Variants in ZC3H11A observed in about 807,000 individuals in gnomAD.
ZC3H11A encodes the protein zinc finger CCCH-type containing 11A.
Under a neutral mutation model 90.8 loss-of-function variants are expected in ZC3H11A, and 22 were observed. That is an observed-to-expected ratio of 0.24 (90% CI 0.17 to 0.35). The LOEUF (loss-of-function observed/expected upper bound fraction) is 0.35. Among genes scored for constraint, ZC3H11A ranks in the 10% least tolerant of loss-of-function variants. The pLI is 1.00. For missense variants in ZC3H11A, 701 were observed against 964.9 expected (o/e 0.73, Z 3.62); for synonymous variants, 294 against 339.8 (o/e 0.87, Z 1.48).
rs750328381 is a variant in ZC3H11A at position 203,831,783 on chromosome 1, ATAGGTCT to A, written c.811+16_811+22del. ...CTCCACCAAACAAGGTAAGGTATAG[ATAGGTCT>A]TAGAGTTGTCAAGCCTCTACTTTTA... On this transcript the variant is annotated intron_variant, in intron 9 of 17. Coordinates refer to ENST00000367210, the MANE Select transcript of ZC3H11A (RefSeq NM_001376342.1). The A allele has an allele frequency of 6.2e-7, 1 of 1,603,010 alleles. No individual in the cohort carries two copies. The highest frequency in any genetic ancestry group is 8.5e-7 in the Non-Finnish European group (1 of 1,172,378).
intron 9 of ZC3H11A, among the ~76,000 whole-genome samples, chr1:203,832,176 G>A (rs1014982421): frequency 1.3e-5 from 2 of 151,886 alleles, no homozygotes; most frequent in Non-Finnish European, 2.9e-5. Context: ...TTCGTGTCTC[G>A]GCCTCCCAAG....
intron 1 of ZC3H11A, chr1:203,799,755 T>G: frequency 1.2e-6 from 1 of 866,056 alleles, no homozygotes; most frequent in Non-Finnish European, 1.9e-6. Context: ...GGTGGATAGT[T>G]TATCTCTGAA....
intron 12 of ZC3H11A, among the ~76,000 whole-genome samples, chr1:203,841,527 C>T (rs1686199917): frequency 6.6e-6 from 1 of 152,236 alleles, no homozygotes; most frequent in Non-Finnish European, 1.5e-5. Context: ...TAGTACAGAA[C>T]AAAATGGAGT....
chr1:203,834,776 A>G (rs1683696142), intron 10 of ZC3H11A, among the ~76,000 whole-genome samples: 1 of 152,054 alleles, frequency 6.6e-6, no homozygotes, highest in Non-Finnish European at 1.5e-5. Context: ...CAGCCTCTCA[A>G]GTAGCTGGGA....
At chr1:203,828,155 A>G (rs1231545260) in intron 4 of ZC3H11A, 144 bp from the exon 5 acceptor site, 3 of 894,192 alleles carry the variant, frequency 3.4e-6, no homozygotes, top group Admixed American at 5.1e-5. Context: ...TATTTTCAGC[A>G]ATCTCTCTTC....
intron 10 of ZC3H11A, among the ~76,000 whole-genome samples, chr1:203,837,633 CCTGA>C (rs998653524): frequency 3.3e-5 from 5 of 152,074 alleles, no homozygotes; most frequent in East Asian, 1.9e-4. Context: ...TGCCACCATG[CCTGA>C]CTATTTTTTA....
At chr1:203,834,139 T>C (rs904225448) in intron 10 of ZC3H11A, 5 of 1,050,118 alleles carry the variant, frequency 4.8e-6, no homozygotes, top group Non-Finnish European at 4.6e-6. Context: ...CAAATTTAAA[T>C]GTGAGTTTTT....
chr1:203,837,122 T>G (rs1194043169), intron 10 of ZC3H11A, among the ~76,000 whole-genome samples: 2 of 151,754 alleles, frequency 1.3e-5, no homozygotes, highest in East Asian at 3.9e-4. Context: ...TGGCAAACCC[T>G]TGTCTCTACT....
Position 203,850,645 on chromosome 1 carries a change from T to A in ZC3H11A, c.2070T>A (p.Ser690Arg), listed in dbSNP as rs1340238673. 2 of 1,614,046 alleles carry A rather than the reference T, an allele frequency of 1.2e-6. No individual in the cohort carries two copies. Among genetic ancestry groups the A allele is most frequent in the Non-Finnish European group, 1.7e-6 (2 of 1,180,032 alleles). The change falls in exon 16 of 18, where the codon AGT becomes AGA. Residue 690 changes from serine to arginine, a missense_variant. Around this residue, in one of 4 missense-constraint regions of ZC3H11A, gnomAD observed 530 missense variants for 696.2 expected, o/e 0.76. Transcript: ENST00000367210. ...IAAVKPLSSSSVLQEPPAKKA... is the reference protein window; with the variant it reads ...IAAVKPLSSSRVLQEPPAKKA... ...CTGTGAAGCCACTCAGCTCCAGCAG[T>A]GTCCTACAGGAACCCCCAGCCAAAA...
At chr1:203,835,487 A>G (rs542157202) in intron 10 of ZC3H11A, 38 of 156,586 alleles carry the variant, frequency 2.4e-4, no homozygotes, top group Non-Finnish European at 5.2e-4. Flanking sequence ...TCAAGAAACA[A>G]TAACAGTTCT....
chr1:203,818,346 G>T (rs1677080183), intron 3 of ZC3H11A, among the ~76,000 whole-genome samples: 1 of 151,910 alleles, frequency 6.6e-6, no homozygotes, highest in Non-Finnish European at 1.5e-5. Flanking sequence ...TTCAGCTTGT[G>T]TCACTCATGC....
chr1:203,852,363 C>T lies in ZC3H11A; in HGVS notation c.2397C>T (p.Asp799=). The T allele has an allele frequency of 6.2e-7, 1 of 1,613,698 alleles. No homozygotes were observed. The highest frequency in any genetic ancestry group is 8.5e-7 in the Non-Finnish European group (1 of 1,179,838). ...TGGATCCTGGGAAAGATGAAGATGA[C>T]CTTCTGCTTGAGCTATCAGAAATGA... ...IDLDPGKDED[D]LLLELSEMID... is the part of the protein sequence containing the mutation. Residue 799 remains aspartate (D), a synonymous_variant, in exon 18 of 18, where the codon GAC becomes GAT. Coordinates refer to ENST00000367210, the MANE Select transcript of ZC3H11A (RefSeq NM_001376342.1).
intron 2 of ZC3H11A, among the ~76,000 whole-genome samples, chr1:203,805,292 C>T (rs1240423789): frequency 3.3e-5 from 5 of 151,550 alleles, no homozygotes; most frequent in African/African-American, 7.3e-5. Context: ...CCACCACACC[C>T]GGCTAATTTT....
Position 203,848,385 on chromosome 1 carries a change from G to A in ZC3H11A, c.1601G>A (p.Ser534Asn). 6.2e-7 allele frequency: 1 copy of A among 1,611,964 alleles called. No individual in the cohort carries two copies. Among genetic ancestry groups the A allele is most frequent in the Non-Finnish European group, 8.5e-7 (1 of 1,179,276 alleles). Reference protein sequence around the residue: ...QEGNEVDSQSSIRTEAKEASG... With the variant: ...QEGNEVDSQSNIRTEAKEASG... ...GGAAATGAAGTTGATTCTCAGAGCA[G>A]TATTAGAACAGAAGCTAAAGAGGTA... The change falls in exon 14 of 18, where the codon AGT (serine) becomes AAT (asparagine). Residue 534 changes from serine to asparagine, a missense_variant. Ser to Asn is a conservative substitution (Grantham distance 46). Transcript: ENST00000367210.
rs912695980 is a variant in ZC3H11A, at chr1:203,848,652, C to T, written c.1623+245C>T. Among the ~76,000 whole-genome samples the T allele has an allele frequency of 2.6e-5, 4 of 152,286 alleles. 1 individual carries two copies. The highest frequency in any genetic ancestry group is 6.8e-3 in the Middle Eastern group (2 of 294). ...CCTGTAATCCCAGCACTTTGGGAGG[C>T]TGAGGCGGGCGGATCACGAGGTCAG... is the stretch of plus-strand genomic sequence containing the variant. On this transcript the variant is annotated intron_variant, in intron 14 of 17. Transcript: ENST00000367210.
chr1:203,799,677 C>G (rs563026647), intron 1 of ZC3H11A: 1 of 707,612 alleles, frequency 1.4e-6, no homozygotes, highest in Non-Finnish European at 2.6e-6. Context: ...AATCCATCAT[C>G]TACTCCTTTC....
At chr1:203,811,842 A>G (rs1674600562) in intron 2 of ZC3H11A, among the ~76,000 whole-genome samples, 1 of 148,922 alleles carries the variant, frequency 6.7e-6, no homozygotes, top group South Asian at 2.1e-4. Flanking sequence ...TTTTTTAGAC[A>G]GGTCTCACTG....
At chr1:203,811,978 G>T (rs1674637772) in intron 2 of ZC3H11A, among the ~76,000 whole-genome samples, 1 of 151,642 alleles carries the variant, frequency 6.6e-6, no homozygotes, top group South Asian at 2.1e-4. Context: ...ACCATGCTTG[G>T]CTAATTTTTA....
intron 10 of ZC3H11A, among the ~76,000 whole-genome samples, chr1:203,837,731 A>T (rs1684825749): frequency 6.6e-6 from 1 of 150,776 alleles, no homozygotes; most frequent in Admixed American, 6.6e-5. Flanking sequence ...TCCTGCCTTG[A>T]CCTCCCAAAG....
Sources: allele counts gnomAD v4.1 joint callset (sites outside exome capture counted in the v4.1 genomes callset), GRCh38; gene constraint gnomAD v4.1.1; regional missense constraint gnomAD v4.1.1; transcripts MANE v1.5; gene names NCBI Gene and HGNC (gene_info 2026-07-23, HGNC 2026-07-21).